The following PRKCA variants were observed in gnomAD, a reference collection of about 807,000 sequenced individuals.
PRKCA encodes the protein protein kinase C alpha type.
In PRKCA, 27 loss-of-function variants were observed where a neutral mutation model predicts 87.0. The observed-to-expected ratio is 0.31, with a 90% CI of 0.23 to 0.43. The LOEUF is 0.43. Among genes scored for constraint, PRKCA ranks in the 20% least tolerant of loss-of-function variants. The pLI is 1.00. For missense variants in PRKCA, 518 were observed against 852.3 expected, an observed-to-expected ratio of 0.61 and a Z score of 4.88; for synonymous variants, 329 against 311.1, an observed-to-expected ratio of 1.06 and a Z score of -0.61.
At chr17:66,769,614 C>A (rs1044537521) in intron 13 of PRKCA, among the ~76,000 whole-genome samples, 3 of 152,180 alleles carry the variant, frequency 2.0e-5, no homozygotes, top group Non-Finnish European at 2.9e-5. Flanking sequence ...ACATTTCCCA[C>A]CTAGCATCAC....
chr17:66,469,098 G>A (rs1456791558), intron 2 of PRKCA, among the ~76,000 whole-genome samples: 4 of 152,114 alleles, frequency 2.6e-5, no homozygotes, highest in Non-Finnish European at 4.4e-5. Context: ...TGCAAACGAG[G>A]CTCCATGGCC....
At chr17:66,674,313 G>A (rs1211589354) in intron 5 of PRKCA, among the ~76,000 whole-genome samples, 1 of 152,178 alleles carries the variant, frequency 6.6e-6, no homozygotes, top group Admixed American at 6.6e-5. Context: ...AGTGTCCCCA[G>A]CGATGGGGCA....
intron 2 of PRKCA, among the ~76,000 whole-genome samples, chr17:66,411,096 G>A (rs953347340): frequency 3.3e-5 from 5 of 152,084 alleles, no homozygotes; most frequent in African/African-American, 1.2e-4. Context: ...TTTGGGGACA[G>A]GGTCTTGCCC....
At chr17:66,631,544 A>G (rs189332927) in intron 3 of PRKCA, among the ~76,000 whole-genome samples, 116 of 152,258 alleles carry the variant, frequency 7.6e-4, no homozygotes, top group African/African-American at 2.6e-3. Flanking sequence ...TCAGCCTCCC[A>G]AATAGCTGGG....
At chr17:66,556,496 C>T (rs1470289510) in intron 3 of PRKCA, among the ~76,000 whole-genome samples, 2 of 152,042 alleles carry the variant, frequency 1.3e-5, no homozygotes, top group Non-Finnish European at 2.9e-5. Context: ...CATTTGAAGA[C>T]CTCAAAGCTT....
At chr17:66,603,538 CAGAG>C (rs948773760) in intron 3 of PRKCA, among the ~76,000 whole-genome samples, 3 of 152,196 alleles carry the variant, frequency 2.0e-5, no homozygotes, top group East Asian at 1.9e-4. Context: ...CTTTGGTAGA[CAGAG>C]AGAGAGGTGA....
chr17:66,502,988 A>G (rs1598725724), intron 3 of PRKCA, among the ~76,000 whole-genome samples: 1 of 152,176 alleles, frequency 6.6e-6, no homozygotes, highest in Non-Finnish European at 1.5e-5. Flanking sequence ...CAAAAGTTGT[A>G]AGAAGAGAAG....
chr17:66,638,843 C>CT (rs1008969619), intron 3 of PRKCA, among the ~76,000 whole-genome samples: 22 of 148,808 alleles, frequency 1.5e-4, no homozygotes, highest in African/African-American at 5.3e-4. Context: ...GCAAGACTGT[C>CT]TAAAAAAAAA....
chr17:66,433,638 G>A (rs9900274), intron 2 of PRKCA, among the ~76,000 whole-genome samples: 13,496 of 152,018 alleles, frequency 0.089, 670 homozygotes, highest in East Asian at 0.17. Flanking sequence ...TCTGCCTCCC[G>A]GGTTCAAGCA....
At chr17:66,311,177 G>T (rs1020343747) in intron 2 of PRKCA, among the ~76,000 whole-genome samples, 1 of 152,192 alleles carries the variant, frequency 6.6e-6, no homozygotes, top group African/African-American at 2.4e-5. Context: ...GTTCCAAAAA[G>T]ATAGAATGCA....
intron 5 of PRKCA, among the ~76,000 whole-genome samples, chr17:66,660,225 C>A (rs1971855533): frequency 6.6e-6 from 1 of 152,124 alleles, no homozygotes; most frequent in African/African-American, 2.4e-5. Flanking sequence ...CTTCTGCTCC[C>A]CCCATCCAAG....
intron 3 of PRKCA, among the ~76,000 whole-genome samples, chr17:66,591,899 T>A (rs1256303500): frequency 6.6e-6 from 1 of 152,188 alleles, no homozygotes; most frequent in African/African-American, 2.4e-5. Context: ...TGAAGCCAGT[T>A]GCCTTTGCTC....
rs9897670 is a variant in PRKCA, at chr17:66,503,606, C to T, written c.288+7323C>T. On this transcript the variant is annotated intron_variant, in intron 3 of 16. Transcript: ENST00000413366. ...TTGCTACAAACCAAAAGTGATATCCCCTGTGAGACTGGACTCCGTGGAGGA... is the reference window on the plus strand; with the variant it reads ...TTGCTACAAACCAAAAGTGATATCCTCTGTGAGACTGGACTCCGTGGAGGA... Among the ~76,000 whole-genome samples, 241 of 152,192 alleles carry T rather than the reference C, an allele frequency of 1.6e-3. 1 individual carries two copies. Among genetic ancestry groups the T allele is most frequent in the African/African-American group, 5.3e-3 (221 of 41,504 alleles).
chr17:66,732,847 A>T, intron 9 of PRKCA, 22 bp downstream of exon 9: 1 of 1,606,872 alleles, frequency 6.2e-7, no homozygotes, highest in Non-Finnish European at 8.5e-7. Context: ...GTCGTCTGCA[A>T]ATTGCAGGGG....
At chr17:66,362,835 C>G (rs780890489) in intron 2 of PRKCA, among the ~76,000 whole-genome samples, 14 of 152,130 alleles carry the variant, frequency 9.2e-5, no homozygotes, top group Non-Finnish European at 1.9e-4. Flanking sequence ...GTTGGGATTA[C>G]AGGCATGTGC....
chr17:66,750,146 T>C (rs963037586), intron 13 of PRKCA, among the ~76,000 whole-genome samples: 7 of 150,506 alleles, frequency 4.7e-5, no homozygotes, highest in African/African-American at 1.2e-4. Context: ...GAGAATGAGA[T>C]ACAGGGAGAG....
At chr17:66,303,915 G>A (rs1807822810) in intron 1 of PRKCA, among the ~76,000 whole-genome samples, 1 of 152,138 alleles carries the variant, frequency 6.6e-6, no homozygotes, top group African/African-American at 2.4e-5. Context: ...CGGGAGACTC[G>A]CTTGAACCCG....
At chr17:66,709,705 T>G (rs1243566867) in intron 8 of PRKCA, among the ~76,000 whole-genome samples, 2 of 152,110 alleles carry the variant, frequency 1.3e-5, no homozygotes, top group African/African-American at 4.8e-5. Flanking sequence ...CTTTTTCTTT[T>G]TCGGTGGAAG....
intron 3 of PRKCA, among the ~76,000 whole-genome samples, chr17:66,634,741 A>G (rs1971109542): frequency 6.6e-6 from 1 of 152,236 alleles, no homozygotes; most frequent in Admixed American, 6.5e-5. Context: ...AGAGGAACCT[A>G]TTAATGTCAC....
Sources: gnomAD v4.1 joint callset for allele counts (sites outside exome capture counted in the v4.1 genomes callset) on GRCh38, gnomAD v4.1.1 for gene constraint, MANE v1.5 for transcripts, NCBI Gene and HGNC (gene_info 2026-07-23, HGNC 2026-07-21) for gene names.